SLIT2: variants seen among roughly 807,000 people sequenced by gnomAD.
The protein encoded by SLIT2 is slit homolog 2 protein.
SLIT2 carries 41 observed loss-of-function variants against 185.7 expected under a neutral mutation model. The ratio of observed to expected loss-of-function variants is 0.22; its 90% confidence interval spans 0.17 to 0.29. The LOEUF is 0.29. Among genes scored for constraint, SLIT2 ranks in the 10% least tolerant of loss-of-function variants. The pLI is 1.00. For synonymous variants in SLIT2, 693 were observed against 680.2 expected (o/e 1.02, Z -0.29); for missense variants, 1,571 against 1,909.0 (o/e 0.82, Z 3.30).
intron 5 of SLIT2, among the ~76,000 whole-genome samples, chr4:20,477,049 C>G (rs1343483841): frequency 1.3e-5 from 2 of 151,568 alleles, no homozygotes. Flanking sequence ...TATATGGAGC[C>G]CATCGACACA....
At chr4:20,385,628 A>G (rs1226630040) in intron 4 of SLIT2, among the ~76,000 whole-genome samples, 2 of 152,124 alleles carry the variant, frequency 1.3e-5, no homozygotes, top group Non-Finnish European at 2.9e-5. Flanking sequence ...ATTTCTCTTC[A>G]GGATTTTAAG....
intron 11 of SLIT2, 90 bp downstream of exon 11, chr4:20,511,227 G>T: frequency 2.9e-6 from 2 of 692,298 alleles, no homozygotes; most frequent in Non-Finnish European, 5.1e-6. Context: ...AATGCTCTCA[G>T]GTTTTTATTA....
At chr4:20,365,895 A>C (rs1169349390) in intron 4 of SLIT2, among the ~76,000 whole-genome samples, 1 of 152,130 alleles carries the variant, frequency 6.6e-6, no homozygotes, top group Admixed American at 6.6e-5. Context: ...TCATAATAAA[A>C]GGCAAAATGA....
Position 20,449,275 on chromosome 4 carries a change from T to C in SLIT2, c.396-18477T>C, listed in dbSNP as rs556679788. ...ATTTATGCTTACCATTTTTTACTTA[T>C]GGGGACACTTTGCCCATGGGAAATT... On this transcript the variant is annotated intron_variant, in intron 4 of 36. Transcript: ENST00000504154. Among the ~76,000 whole-genome samples, 8 of 152,304 alleles carry C rather than the reference T, an allele frequency of 5.3e-5. 1 individual carries two copies. In the South Asian group the frequency reaches 1.5e-3, roughly 28 times the overall value.
At position 20,494,476 on chromosome 4, in the gene SLIT2, T is replaced by C. The variant is rs188867786; in HGVS notation, c.914+2577T>C. On this transcript the variant is annotated intron_variant, in intron 9 of 36. Coordinates refer to ENST00000504154, the MANE Select transcript of SLIT2 (RefSeq NM_004787.4). Reference sequence around the variant, plus strand: ...GAAATACTAAAGGACCAGTGACACATTTATAAGTACAAAAATTGGGCTGGG... The same window carrying C: ...GAAATACTAAAGGACCAGTGACACACTTATAAGTACAAAAATTGGGCTGGG... 4.6e-5 allele frequency among the ~76,000 whole-genome samples: 7 copies of C among 152,208 alleles called. 1 individual carries two copies. The highest frequency in any genetic ancestry group is 4.6e-4 in the Admixed American group (7 of 15,294).
intron 5 of SLIT2, among the ~76,000 whole-genome samples, chr4:20,475,320 T>G (rs1169232454): frequency 6.6e-6 from 1 of 151,722 alleles, no homozygotes; most frequent in Non-Finnish European, 1.5e-5. Context: ...GTTTTGGTTT[T>G]TTTTTTTTTT....
chr4:20,525,281 A>G (rs982413644), intron 15 of SLIT2, 109 bp downstream of exon 15: 3 of 818,780 alleles, frequency 3.7e-6, no homozygotes, highest in East Asian at 2.4e-5. Flanking sequence ...TGGATACTCT[A>G]TAGATAGATT....
chr4:20,319,433 T>G (rs1165805967), intron 4 of SLIT2, among the ~76,000 whole-genome samples: 1 of 152,158 alleles, frequency 6.6e-6, no homozygotes, highest in South Asian at 2.1e-4. Flanking sequence ...ACAATTATTA[T>G]AAAACTAAAT....
chr4:20,605,082 C>G (rs1435427641), intron 33 of SLIT2, among the ~76,000 whole-genome samples: 1 of 152,136 alleles, frequency 6.6e-6, no homozygotes, highest in Non-Finnish European at 1.5e-5. Flanking sequence ...GATCCACCCA[C>G]CTTGGCCTCC....
intron 18 of SLIT2, among the ~76,000 whole-genome samples, chr4:20,536,641 T>C (rs1722321555): frequency 6.6e-6 from 1 of 151,842 alleles, no homozygotes; most frequent in Non-Finnish European, 1.5e-5. Context: ...AATGTATTTC[T>C]TCAGTAATAA....
chr4:20,401,242 T>C (rs1014391370), intron 4 of SLIT2, among the ~76,000 whole-genome samples: 1 of 151,832 alleles, frequency 6.6e-6, no homozygotes, highest in African/African-American at 2.4e-5. Flanking sequence ...GGACACTGTC[T>C]TGAAAGAACG....
intron 5 of SLIT2, among the ~76,000 whole-genome samples, chr4:20,475,702 C>T (rs1008553339): frequency 3.3e-5 from 5 of 152,024 alleles, no homozygotes; most frequent in South Asian, 2.1e-4. Context: ...ATTTATTAAA[C>T]GTTAGCAATT....
At chr4:20,333,828 G>A (rs1172416532) in intron 4 of SLIT2, among the ~76,000 whole-genome samples, 1 of 152,128 alleles carries the variant, frequency 6.6e-6, no homozygotes, top group Non-Finnish European at 1.5e-5. Flanking sequence ...TTATTTAGGA[G>A]AAAACATTAT....
intron 4 of SLIT2, among the ~76,000 whole-genome samples, chr4:20,397,532 G>T (rs1201217438): frequency 6.6e-6 from 1 of 151,672 alleles, no homozygotes; most frequent in East Asian, 1.9e-4. Context: ...TTTTCATGGG[G>T]TAAACCACAC....
chr4:20,579,469 G>A (rs1199084479), intron 29 of SLIT2, among the ~76,000 whole-genome samples: 1 of 152,086 alleles, frequency 6.6e-6, no homozygotes, highest in African/African-American at 2.4e-5. Context: ...ATTCAGCCCA[G>A]TTTCTAGGCC....
At chr4:20,540,129 CA>C (rs1204447337) in intron 19 of SLIT2, among the ~76,000 whole-genome samples, 2 of 150,070 alleles carry the variant, frequency 1.3e-5, no homozygotes, top group East Asian at 2.0e-4. Context: ...ACTAAAAATA[CA>C]AAAAAAAATT....
intron 33 of SLIT2, among the ~76,000 whole-genome samples, chr4:20,608,700 A>G (rs548574819): frequency 1.9e-4 from 29 of 152,294 alleles, no homozygotes; most frequent in South Asian, 8.3e-4. Flanking sequence ...CTGTCAGCAT[A>G]CAACGGAAGA....
At chr4:20,316,224 G>A (rs1036893200) in intron 4 of SLIT2, among the ~76,000 whole-genome samples, 2 of 151,940 alleles carry the variant, frequency 1.3e-5, no homozygotes, top group Non-Finnish European at 2.9e-5. Context: ...ACTTCTGCAG[G>A]TTATAAACAT....
intron 29 of SLIT2, among the ~76,000 whole-genome samples, chr4:20,578,125 T>A (rs1726225194): frequency 6.6e-6 from 1 of 152,226 alleles, no homozygotes; most frequent in South Asian, 2.1e-4. Context: ...GATCTGGGTC[T>A]CCATTAACAT....
Sources: allele counts gnomAD v4.1 joint callset (sites outside exome capture counted in the v4.1 genomes callset), GRCh38; gene constraint gnomAD v4.1.1; transcripts MANE v1.5; gene names NCBI Gene and HGNC (gene_info 2026-07-23, HGNC 2026-07-21).